Variants in THSD7A observed in about 807,000 individuals in gnomAD.
THSD7A encodes thrombospondin type-1 domain-containing protein 7A.
THSD7A carries 96 observed loss-of-function variants against 231.3 expected under a neutral mutation model. The ratio of observed to expected loss-of-function variants is 0.41; its 90% CI spans 0.35 to 0.49. The LOEUF is 0.49. Ranked by LOEUF, THSD7A falls within the 20% of genes least tolerant of loss-of-function variation. The pLI is 0.05. For missense variants in THSD7A, 2,290 were observed against 2,070.2 expected (o/e 1.11, Z -2.06); for synonymous variants, 940 against 743.3 (o/e 1.26, Z -4.30).
At chr7:11,407,951 T>C (rs1009461401) in intron 19 of THSD7A, among the ~76,000 whole-genome samples, 2 of 152,152 alleles carry the variant, frequency 1.3e-5, no homozygotes, top group Admixed American at 6.6e-5. Flanking sequence ...AAAAGAAATA[T>C]GGGTCACCAA....
At chr7:11,422,612 A>C (rs1784183936) in intron 16 of THSD7A, among the ~76,000 whole-genome samples, 2 of 151,822 alleles carry the variant, frequency 1.3e-5, no homozygotes, top group Admixed American at 6.6e-5. Flanking sequence ...AAAAAAAAAA[A>C]AAAAAGTAAC....
At chr7:11,611,276 T>C (rs944711987) in intron 2 of THSD7A, among the ~76,000 whole-genome samples, 2 of 152,086 alleles carry the variant, frequency 1.3e-5, no homozygotes, top group African/African-American at 4.8e-5. Context: ...ATGTATTAAG[T>C]ATATGCAGAT....
intron 6 of THSD7A, among the ~76,000 whole-genome samples, chr7:11,508,380 T>C (rs1787647755): frequency 6.6e-6 from 1 of 151,974 alleles, no homozygotes; most frequent in African/African-American, 2.4e-5. Context: ...TACCACTTCA[T>C]ACCTGTCAGA....
At chr7:11,570,419 T>G (rs962359884) in intron 4 of THSD7A, among the ~76,000 whole-genome samples, 1 of 152,094 alleles carries the variant, frequency 6.6e-6, no homozygotes. Context: ...GTTCAAGTTT[T>G]CAATAGCACA....
chr7:11,688,783 T>C (rs1468699414), intron 1 of THSD7A, among the ~76,000 whole-genome samples: 1 of 151,666 alleles, frequency 6.6e-6, no homozygotes, highest in Admixed American at 6.6e-5. Flanking sequence ...AACAAGGAAA[T>C]TGTTGGGCTG....
In THSD7A at chr7:11,461,919, C is replaced by T. The variant is rs1785519142; in HGVS notation, c.2501+92G>A. On this transcript the variant is annotated intron_variant, in intron 10 of 27. Coordinates refer to ENST00000423059, the MANE Select transcript of THSD7A (RefSeq NM_015204.3). The stretch of plus-strand genomic sequence containing the variant: ...AACTCCATTGAGCCTGTGGAAGGAA[C>T]AGTGTTGACTTCCTTTCCTTATCCT... 3 of 1,463,286 alleles carry T rather than the reference C, an allele frequency of 2.1e-6. No homozygotes were observed. The Admixed American group carries it at 5.8e-5, about 28-fold the overall frequency. 90.6% of individuals were successfully genotyped at this position (1,463,286 alleles called of 1,614,324 possible).
At chr7:11,667,249 C>T (rs1203500731) in intron 1 of THSD7A, among the ~76,000 whole-genome samples, 1 of 152,076 alleles carries the variant, frequency 6.6e-6, no homozygotes, top group Non-Finnish European at 1.5e-5. Flanking sequence ...TTACCTTACC[C>T]TTAAGCCTTT....
intron 1 of THSD7A, among the ~76,000 whole-genome samples, chr7:11,652,636 A>G (rs1782547122): frequency 1.3e-5 from 2 of 149,622 alleles, no homozygotes; most frequent in African/African-American, 5.1e-5. Context: ...TTCATTTATG[A>G]TAACAAATAT....
At chr7:11,554,259 A>G (rs912066198) in intron 4 of THSD7A, among the ~76,000 whole-genome samples, 1 of 152,018 alleles carries the variant, frequency 6.6e-6, no homozygotes, top group Non-Finnish European at 1.5e-5. Context: ...CCTAAATCCA[A>G]TGGGTGGTGT....
At chr7:11,404,812 A>G in intron 22 of THSD7A, among the ~76,000 whole-genome samples, 1 of 152,132 alleles carries the variant, frequency 6.6e-6, no homozygotes, top group East Asian at 1.9e-4. Flanking sequence ...CATGAGATCT[A>G]CCCACTTAAC....
At chr7:11,555,828 T>C (rs1301767231) in intron 4 of THSD7A, among the ~76,000 whole-genome samples, 1 of 151,842 alleles carries the variant, frequency 6.6e-6, no homozygotes, top group Admixed American at 6.6e-5. Context: ...AATTATATAA[T>C]ATCTTTCTCT....
rs1783596207 is a variant in THSD7A, at chr7:11,406,770, C to T, written c.4062+140G>A. ...AACTAATTAAATGGTTATAAAATGG[C>T]AAGTACATACAAATTTTAAGAAGCT... On this transcript the variant is annotated intron_variant, in intron 21 of 27. Coordinates refer to ENST00000423059, the MANE Select transcript of THSD7A (RefSeq NM_015204.3). This position sits in a 1 kb window ranked among gnomAD's most constrained non-coding sequence, Gnocchi z 4.7. 1.9e-6 allele frequency: 2 copies of T among 1,059,680 alleles called. No individual in the cohort carries two copies. The allele number at this position is 1,059,680 out of a possible 1,614,324, so 65.6% of individuals were successfully genotyped here.
At chr7:11,622,226 A>G (rs1781333853) in intron 2 of THSD7A, among the ~76,000 whole-genome samples, 1 of 152,158 alleles carries the variant, frequency 6.6e-6, no homozygotes, top group African/African-American at 2.4e-5. Flanking sequence ...CATCACATAT[A>G]GATTTTTCCT....
rs368822540 is a variant in THSD7A at position 11,775,328 on chromosome 7, C to G, written c.190+56429G>C. Among the ~76,000 whole-genome samples, 10 of 152,148 alleles carry G rather than the reference C, an allele frequency of 6.6e-5. No homozygotes were observed. In the East Asian group the frequency reaches 1.4e-3, roughly 21 times the overall value. ...ATTAAACATATAATTACCATATTAC[C>G]CAGCAATTCCATCTTTGGGTATAAA... On this transcript the variant is annotated intron_variant, in intron 1 of 27. Coordinates refer to ENST00000423059, the MANE Select transcript of THSD7A (RefSeq NM_015204.3).
In THSD7A at chr7:11,636,169, A is replaced by G. The variant is rs1781834733; in HGVS notation, c.983T>C (p.Val328Ala). The G allele has an allele frequency of 6.2e-7, 1 of 1,613,546 alleles. No homozygotes were observed. Among genetic ancestry groups the G allele is most frequent in the Non-Finnish European group, 8.5e-7 (1 of 1,179,770 alleles). The change falls in exon 2 of 28, where the codon GTT (valine) becomes GCT (alanine). Residue 328 changes from valine (V) to alanine (A), a missense_variant. By Grantham distance (64) the Val-to-Ala change is moderately conservative. Coordinates refer to ENST00000423059, the MANE Select transcript of THSD7A (RefSeq NM_015204.3). This position sits in a 1 kb window ranked among gnomAD's most constrained non-coding sequence, Gnocchi z 10.0. ...TTTCCCCGTCTTGTTAATGCACATA[A>G]CCTCTCTGGTCTGATATCCAATCTG... ...DIQIGYQTREVMCINKTGKAA... is the reference protein window; with the variant it reads ...DIQIGYQTREAMCINKTGKAA...
chr7:11,487,687 T>C (rs1786715809), intron 6 of THSD7A, among the ~76,000 whole-genome samples: 1 of 152,056 alleles, frequency 6.6e-6, no homozygotes, highest in African/African-American at 2.4e-5. Flanking sequence ...ATGCCTTACA[T>C]GGTGGCAGGC....
intron 1 of THSD7A, among the ~76,000 whole-genome samples, chr7:11,741,351 C>G (rs1228836511): frequency 6.6e-6 from 1 of 151,908 alleles, no homozygotes; most frequent in Non-Finnish European, 1.5e-5. Flanking sequence ...CTAAAAGATT[C>G]ATGCCATGCC....
intron 5 of THSD7A, among the ~76,000 whole-genome samples, chr7:11,542,472 C>T (rs1354192407): frequency 2.6e-5 from 4 of 152,124 alleles, no homozygotes; most frequent in Admixed American, 2.0e-4. Context: ...ACAGTTTTTA[C>T]ATTTTTTTCT....
intron 11 of THSD7A, among the ~76,000 whole-genome samples, chr7:11,454,790 T>C (rs1785251989): frequency 6.6e-6 from 1 of 152,028 alleles, no homozygotes; most frequent in Non-Finnish European, 1.5e-5. Flanking sequence ...TGAGAGAATG[T>C]ATTATATTGA....
Sources: allele counts gnomAD v4.1 joint callset (sites outside exome capture counted in the v4.1 genomes callset), GRCh38; gene constraint gnomAD v4.1.1; non-coding constraint Gnocchi (gnomAD v3.1); transcripts MANE v1.5; gene names NCBI Gene and HGNC (gene_info 2026-07-23, HGNC 2026-07-21).